TPO: variants seen among roughly 807,000 people sequenced by gnomAD.
The protein encoded by TPO is thyroid peroxidase.
In TPO, 78 loss-of-function variants were observed where a neutral mutation model predicts 96.9. The ratio of observed to expected loss-of-function variants is 0.81; its 90% confidence interval spans 0.67 to 0.97. The LOEUF is 0.97. Among genes scored for constraint, TPO ranks in the 50% least tolerant of loss-of-function variants. TPO has a pLI of 0.00. For synonymous variants in TPO, 547 were observed against 538.0 expected, an observed-to-expected ratio of 1.02 and a Z score of -0.23; for missense variants, 1,252 against 1,274.8, an observed-to-expected ratio of 0.98 and a Z score of 0.27.
chr2:1,492,142 C>T (rs1296559225), intron 10 of TPO, among the ~76,000 whole-genome samples: 2 of 144,264 alleles, frequency 1.4e-5, no homozygotes, highest in Non-Finnish European at 3.0e-5. Flanking sequence ...TTTCTAAAAG[C>T]TCAGGATTTT....
intron 3 of TPO, among the ~76,000 whole-genome samples, chr2:1,425,857 G>A (rs1449035987): frequency 6.6e-6 from 1 of 151,126 alleles, no homozygotes; most frequent in Non-Finnish European, 1.5e-5. Flanking sequence ...ACAGAGATGA[G>A]TTCGATCATT....
At chr2:1,512,320 A>G (rs1323452763) in intron 14 of TPO, 1 of 848,948 alleles carries the variant, frequency 1.2e-6, no homozygotes, top group Non-Finnish European at 1.4e-6. Context: ...TAGAGTTGAG[A>G]CGTTCCCTCC....
chr2:1,480,776 G>GCATCCGTCCACACCACCTCCCTCCTCCTT (rs1670521872), intron 8 of TPO, among the ~76,000 whole-genome samples: 24 of 97,008 alleles, frequency 2.5e-4, no homozygotes, highest in East Asian at 5.7e-4. Flanking sequence ...CCCTCCTCCT[G>GCATCCGTCCACACCACCTCCCTCCTCCTT]CATCCGTCCA....
In TPO at chr2:1,542,716, AT is replaced by A; in HGVS notation, c.*245del. 8.5e-7 allele frequency: 1 copy of A among 1,174,742 alleles called. No individual in the cohort carries two copies. The highest frequency in any genetic ancestry group is 1.2e-6 in the Non-Finnish European group (1 of 839,314). 72.8% of individuals were successfully genotyped at this position (1,174,742 alleles called of 1,614,324 possible). A position where few individuals can be genotyped will look rare whatever the true frequency, so the allele number is the denominator to read the frequency against. ...TTCTGGGGCTTTGCCATTAAAATGT[AT>A]TTACAGATTACACATCTTTATTTTG... is the stretch of plus-strand genomic sequence containing the variant. On this transcript the variant is annotated 3_prime_UTR_variant, in exon 17 of 17. Coordinates refer to ENST00000329066, the MANE Select transcript of TPO (RefSeq NM_001206744.2).
intron 8 of TPO, among the ~76,000 whole-genome samples, chr2:1,481,409 G>A (rs979184252): frequency 2.6e-5 from 4 of 152,160 alleles, no homozygotes; most frequent in South Asian, 2.1e-4. Context: ...AATATCTGGC[G>A]TGGATGTTTT....
intron 15 of TPO, among the ~76,000 whole-genome samples, chr2:1,533,028 C>G (rs1348280936): frequency 2.3e-4 from 15 of 66,382 alleles, no homozygotes; most frequent in Admixed American, 4.2e-4. Context: ...ACTGTGTGCA[C>G]CCCCCAAAAA....
chr2:1,497,798 G>T (rs1352077333), intron 13 of TPO, among the ~76,000 whole-genome samples: 1 of 151,944 alleles, frequency 6.6e-6, no homozygotes, highest in Non-Finnish European at 1.5e-5. Flanking sequence ...GCAGAAGAAA[G>T]AGATGGTCTC....
chr2:1,511,930 A>G (rs1010295758), intron 14 of TPO, among the ~76,000 whole-genome samples: 2 of 152,260 alleles, frequency 1.3e-5, no homozygotes, highest in South Asian at 2.1e-4. Context: ...AAGTGTATAC[A>G]ACAGGAGCAT....
chr2:1,414,603 C>G, intron 2 of TPO, 101 bp downstream of exon 2: 3 of 1,070,520 alleles, frequency 2.8e-6, no homozygotes, highest in South Asian at 2.7e-5. Flanking sequence ...TCACTTTAGG[C>G]CCCTGTAGTG....
At chr2:1,529,369 ATG>A (rs1233153946) in intron 15 of TPO, among the ~76,000 whole-genome samples, 1 of 6,208 alleles carries the variant, frequency 1.6e-4, no homozygotes, top group African/African-American at 9.1e-4. Context: ...TCCCCCCACT[ATG>A]TGCAACGTCC....
At position 1,513,152 on chromosome 2, in the gene TPO, A is replaced by T. The variant is rs1271757559; in HGVS notation, c.2519-3731A>T. Reference sequence around the variant, plus strand: ...CAGCTCTGTCACTGCTGGCTGGAACACCCAAAAGGGTGATGGACATGGCTG... The same window carrying T: ...CAGCTCTGTCACTGCTGGCTGGAACTCCCAAAAGGGTGATGGACATGGCTG... On this transcript the variant is annotated intron_variant, in intron 14 of 16. Transcript: ENST00000329066. Among the ~76,000 whole-genome samples, 3 of 152,244 alleles carry T rather than the reference A, an allele frequency of 2.0e-5. 1 individual carries two copies. Among genetic ancestry groups the T allele is most frequent in the Admixed American group, 6.5e-5 (1 of 15,282 alleles).
chr2:1,474,553 C>T (rs1190123333), intron 7 of TPO, among the ~76,000 whole-genome samples: 1 of 152,186 alleles, frequency 6.6e-6, no homozygotes, highest in Non-Finnish European at 1.5e-5. Context: ...TAGAAGTCCA[C>T]CGTCAATGCC....
At chr2:1,460,440 C>T (rs1381201575) in intron 7 of TPO, among the ~76,000 whole-genome samples, 1 of 152,148 alleles carries the variant, frequency 6.6e-6, no homozygotes, top group Non-Finnish European at 1.5e-5. Flanking sequence ...GAGATGGGCA[C>T]CTATTATCTA....
intron 8 of TPO, chr2:1,478,188 G>A (rs759938831): frequency 1.0e-6 from 1 of 985,332 alleles, no homozygotes; most frequent in East Asian, 1.1e-4. Flanking sequence ...TCACATGAGA[G>A]GGTCTTGAAT....
chr2:1,440,074 G>A (rs1665994992), intron 5 of TPO, among the ~76,000 whole-genome samples: 1 of 152,184 alleles, frequency 6.6e-6, no homozygotes, highest in Non-Finnish European at 1.5e-5. Context: ...CTGGGCTGGT[G>A]CTGCATTTCC....
At chr2:1,405,251 A>G (rs533821889) in intron 1 of TPO, among the ~76,000 whole-genome samples, 15 of 147,610 alleles carry the variant, frequency 1.0e-4, no homozygotes, top group African/African-American at 3.0e-4. Flanking sequence ...CCATCCATCC[A>G]TCATCCACCC....
chr2:1,456,321 T>C (rs766161305), intron 7 of TPO, 39 bp downstream of exon 7: 1 of 1,599,270 alleles, frequency 6.3e-7, no homozygotes, highest in East Asian at 2.2e-5. Context: ...GTTATGAAAC[T>C]AAGTGCTATT....
In TPO at chr2:1,485,151, G is replaced by A. The variant is rs187285266; in HGVS notation, c.1597+297G>A. 2.9e-3 allele frequency among the ~76,000 whole-genome samples: 437 copies of A among 151,750 alleles called. 3 individuals carry two copies. Among genetic ancestry groups the A allele is most frequent in the South Asian group, 0.011 (53 of 4,806 alleles). ...TTCCCACCTATGAGTGAGAACATGC[G>A]GTGTTTGGTTTTCTGTCCTTGCGAT... On this transcript the variant is annotated intron_variant, in intron 9 of 16. Coordinates refer to ENST00000329066, the MANE Select transcript of TPO (RefSeq NM_001206744.2).
At chr2:1,505,308 TCCCACTCTCCTGAGTCAGGCACAC>T (rs1348392989) in intron 14 of TPO, among the ~76,000 whole-genome samples, 2 of 140,920 alleles carry the variant, frequency 1.4e-5, no homozygotes, top group Admixed American at 7.0e-5. Flanking sequence ...ATCAGGCACA[TCCCACTCTCCTGAGTCAGGCACAC>T]CCCACCAGCT....
Sources: allele counts gnomAD v4.1 joint callset (sites outside exome capture counted in the v4.1 genomes callset), GRCh38; gene constraint gnomAD v4.1.1; transcripts MANE v1.5; gene names NCBI Gene and HGNC (gene_info 2026-07-23, HGNC 2026-07-21).